RWDD2B: variants seen among roughly 807,000 people sequenced by gnomAD.
RWDD2B encodes RWD domain containing 2B, also known as RWD domain-containing protein 2B.
A neutral mutation model predicts 33.6 loss-of-function variants in RWDD2B; 36 were observed. That is an observed-to-expected ratio of 1.07 (90% confidence interval 0.82 to 1.42). The LOEUF is 1.42. Ranked by LOEUF, RWDD2B falls within the 40% of genes most tolerant of loss-of-function variation. The pLI, the probability that RWDD2B is intolerant of heterozygous loss-of-function variation, is 0.00. For missense variants in RWDD2B, 364 were observed against 377.5 expected, an observed-to-expected ratio of 0.96 and a Z score of 0.30; for synonymous variants, 126 against 133.1, an observed-to-expected ratio of 0.95 and a Z score of 0.37.
rs1399089339 is a variant in RWDD2B at position 29,007,976 on chromosome 21, A to G, written c.510T>C (p.Thr170=). 1 of 1,614,236 alleles carries G rather than the reference A, an allele frequency of 6.2e-7. No homozygotes were observed. The highest frequency in any genetic ancestry group is 1.3e-5 in the African/African-American group (1 of 75,072). The part of the protein sequence containing the change: ...EHASGYVSRD[T]SSSPTTGSTV... ...TGCTTCCTGTGGTGGGTGAAGATGA[A>G]GTATCTCTGCTGACATAGCCAGAGG... Residue 170 remains threonine, a synonymous_variant, in exon 4 of 5, where the codon ACT becomes ACC. Transcript: ENST00000493196.
At position 29,019,341 on chromosome 21, in the gene RWDD2B, G is replaced by A; in HGVS notation, c.-64C>T. 2.5e-6 allele frequency: 3 copies of A among 1,200,272 alleles called. No homozygotes were observed. Among genetic ancestry groups the A allele is most frequent in the Non-Finnish European group, 3.4e-6 (3 of 880,054 alleles). 74.4% of individuals were successfully genotyped at this position (1,200,272 alleles called of 1,614,324 possible). A position where few individuals can be genotyped will look rare whatever the true frequency, so the allele number is the denominator to read the frequency against. On this transcript the variant is annotated 5_prime_UTR_variant, in exon 1 of 5. Coordinates refer to ENST00000493196, the MANE Select transcript of RWDD2B (RefSeq NM_016940.3). ...AAACTTACAAACCGCCTCAGCTGGC[G>A]ACCTACCGGAAAAAAAAAAAAAAAG... is the stretch of plus-strand genomic sequence containing the variant.
At chr21:29,008,737 A>C (rs2084842607) in intron 1 of RWDD2B, 116 bp from the exon 2 acceptor site, 1 of 691,244 alleles carries the variant, frequency 1.4e-6, no homozygotes, top group African/African-American at 1.8e-5. Flanking sequence ...TGTACAATTT[A>C]ATTAGTCTCT....
chr21:29,017,427 C>T (rs1294378384), intron 1 of RWDD2B, among the ~76,000 whole-genome samples: 2 of 151,722 alleles, frequency 1.3e-5, no homozygotes, highest in Non-Finnish European at 2.9e-5. Flanking sequence ...GCCTGGCCAA[C>T]ATGATGAAAC....
intron 1 of RWDD2B, among the ~76,000 whole-genome samples, chr21:29,012,162 A>G (rs1601022549): frequency 1.2e-5 from 1 of 85,200 alleles, no homozygotes; most frequent in Non-Finnish European, 2.3e-5. Flanking sequence ...TCCGGGAGGG[A>G]GGTGGGGGTG....
At chr21:29,007,154 T>C (rs990890866) in intron 4 of RWDD2B, among the ~76,000 whole-genome samples, 1 of 152,150 alleles carries the variant, frequency 6.6e-6, no homozygotes, top group Admixed American at 6.5e-5. Flanking sequence ...CTTCACAGGG[T>C]ATACAGTTTG....
chr21:29,011,263 G>A (rs1369374867), intron 1 of RWDD2B, among the ~76,000 whole-genome samples: 1 of 151,590 alleles, frequency 6.6e-6, no homozygotes, highest in Non-Finnish European at 1.5e-5. Context: ...GGGAAGTGAG[G>A]AGCGTCTCTG....
rs2084825230 is a variant in RWDD2B at position 29,005,766 on chromosome 21, A to G, written c.*651T>C. On this transcript the variant is annotated 3_prime_UTR_variant, in exon 5 of 5. Coordinates refer to ENST00000493196, the MANE Select transcript of RWDD2B (RefSeq NM_016940.3). ...AAAAAAAAAGCCTAGAAATTAAACAAAACTGGTTTTATTTCATAAGATGTT... is the reference window on the plus strand; with the variant it reads ...AAAAAAAAAGCCTAGAAATTAAACAGAACTGGTTTTATTTCATAAGATGTT... The G allele has an allele frequency of 6.6e-6, 1 of 152,192 alleles. No individual in the cohort carries two copies. The highest frequency in any genetic ancestry group is 2.4e-5 in the African/African-American group (1 of 41,438). The allele number at this position is 152,192 out of a possible 1,614,324, so 9.4% of individuals were successfully genotyped here. A position where few individuals can be genotyped will look rare whatever the true frequency, so the allele number is the denominator to read the frequency against.
intron 1 of RWDD2B, among the ~76,000 whole-genome samples, chr21:29,011,655 G>A (rs1456516339): frequency 2.2e-4 from 29 of 133,364 alleles, no homozygotes; most frequent in South Asian, 5.0e-4. Flanking sequence ...TCAGCCCCCC[G>A]CCCGGCCAGC....
intron 1 of RWDD2B, among the ~76,000 whole-genome samples, chr21:29,010,629 A>AC (rs1274318223): frequency 1.4e-5 from 2 of 141,594 alleles, no homozygotes; most frequent in East Asian, 2.1e-4. Flanking sequence ...ATAAAAAAAA[A>AC]AAACCAAAAA....
chr21:29,006,518 C>T lies in RWDD2B; in HGVS notation c.859G>A (p.Ala287Thr). 4 of 1,613,976 alleles carry T rather than the reference C, an allele frequency of 2.5e-6. No homozygotes were observed. The highest frequency in any genetic ancestry group is 3.4e-6 in the Non-Finnish European group (4 of 1,179,870). Residue 287 changes from alanine (A) to threonine (T), a missense_variant, in exon 5 of 5, where the codon GCC (alanine) becomes ACC (threonine). Transcript: ENST00000493196. ...FEEKVFSVNGARGNHMDFGQL... is the reference protein window; with the variant it reads ...FEEKVFSVNGTRGNHMDFGQL... ...CCAAAGTCCATGTGGTTTCCCCTGG[C>T]TCCATTAACACTGAACACTTTTTCT...
chr21:29,015,837 G>A (rs1189404520), intron 1 of RWDD2B, among the ~76,000 whole-genome samples: 1 of 151,994 alleles, frequency 6.6e-6, no homozygotes, highest in Non-Finnish European at 1.5e-5. Context: ...AGCCCCATAT[G>A]GTTTAGGTAT....
Position 29,015,146 on chromosome 21 carries a change from T to G in RWDD2B, c.67+4065A>C, listed in dbSNP as rs1278552897. Among the ~76,000 whole-genome samples, 6 of 151,752 alleles carry G rather than the reference T, an allele frequency of 4.0e-5. No individual in the cohort carries two copies. The East Asian group carries it at 1.2e-3, about 29-fold the overall frequency. On this transcript the variant is annotated intron_variant, in intron 1 of 4. Coordinates refer to ENST00000493196, the MANE Select transcript of RWDD2B (RefSeq NM_016940.3). ...CACTCTCATTTGAATTGTTTTCCTT[T>G]ACAGATAAGGTTCATTTTTGTCACT... is the stretch of plus-strand genomic sequence containing the variant.
At chr21:29,006,849 A>C (rs2084831340) in intron 4 of RWDD2B, among the ~76,000 whole-genome samples, 198 bp from the exon 5 acceptor site, 1 of 152,196 alleles carries the variant, frequency 6.6e-6, no homozygotes, top group African/African-American at 2.4e-5. Context: ...CCTGGCTGCA[A>C]GTGATACTCT....
At position 29,005,122 on chromosome 21, in the gene RWDD2B, C is replaced by CAAAATTATTTGTACAG. The variant is rs2084822128; in HGVS notation, c.*1294_*1295insCTGTACAAATAATTTT. The CAAAATTATTTGTACAG allele has an allele frequency of 6.6e-6, 1 of 152,180 alleles. No homozygotes were observed. The highest frequency in any genetic ancestry group is 2.4e-5 in the African/African-American group (1 of 41,430). 9.4% of individuals were successfully genotyped at this position (152,180 alleles called of 1,614,324 possible). ...GTGGTGTGTTTATTTAATGCTAGGT[C>CAAAATTATTTGTACAG]AATTTGGCAAAAATAAATGTACAGA... On this transcript the variant is annotated 3_prime_UTR_variant, in exon 5 of 5. Transcript: ENST00000493196.
rs186464722 is a variant in RWDD2B, at chr21:29,018,810, G to A, written c.67+401C>T. On this transcript the variant is annotated intron_variant, in intron 1 of 4. Coordinates refer to ENST00000493196, the MANE Select transcript of RWDD2B (RefSeq NM_016940.3). Reference sequence around the variant, plus strand: ...GTTCAAGATCAGCCTGGGTAACATAGTAAGAGCTCGCCTTTATTATTTTTT... The same window carrying A: ...GTTCAAGATCAGCCTGGGTAACATAATAAGAGCTCGCCTTTATTATTTTTT... 6.6e-5 allele frequency among the ~76,000 whole-genome samples: 10 copies of A among 152,294 alleles called. No homozygotes were observed. The East Asian group carries it at 1.9e-3, about 29-fold the overall frequency.
chr21:29,014,800 G>A (rs1472247038), intron 1 of RWDD2B, among the ~76,000 whole-genome samples: 1 of 152,006 alleles, frequency 6.6e-6, no homozygotes, highest in Non-Finnish European at 1.5e-5. Context: ...CAGCCTGGGC[G>A]GCAGAGCGAG....
rs2084822024 is a variant in RWDD2B, at chr21:29,005,113, A to G, written c.*1304T>C. 6.6e-6 allele frequency: 1 copy of G among 152,252 alleles called. No individual in the cohort carries two copies. The highest frequency in any genetic ancestry group is 2.4e-5 in the African/African-American group (1 of 41,468). 9.4% of individuals were successfully genotyped at this position (152,252 alleles called of 1,614,324 possible). A position where few individuals can be genotyped will look rare whatever the true frequency, so the allele number is the denominator to read the frequency against. On this transcript the variant is annotated 3_prime_UTR_variant, in exon 5 of 5. Transcript: ENST00000493196. ...AAAAACTGGGTGGTGTGTTTATTTA[A>G]TGCTAGGTCAATTTGGCAAAAATAA...
intron 4 of RWDD2B, among the ~76,000 whole-genome samples, chr21:29,007,553 C>T (rs1258542357): frequency 6.6e-6 from 1 of 152,104 alleles, no homozygotes; most frequent in Non-Finnish European, 1.5e-5. Context: ...TGTCCCAGCA[C>T]CATTACTGAA....
intron 1 of RWDD2B, among the ~76,000 whole-genome samples, chr21:29,015,376 G>C (rs1001178004): frequency 2.0e-5 from 3 of 151,514 alleles, no homozygotes; most frequent in Admixed American, 6.6e-5. Context: ...GATTACAGGC[G>C]CACACCACTA....
Sources: allele counts gnomAD v4.1 joint callset (sites outside exome capture counted in the v4.1 genomes callset), GRCh38; gene constraint gnomAD v4.1.1; transcripts MANE v1.5; gene names NCBI Gene and HGNC (gene_info 2026-07-23, HGNC 2026-07-21).